RIT1: variants seen among roughly 807,000 people sequenced by gnomAD.
RIT1 encodes the protein GTP-binding protein Rit1.
Under a neutral mutation model 25.6 loss-of-function variants are expected in RIT1, and 6 were observed. The observed-to-expected ratio is 0.23, with a 90% CI of 0.13 to 0.46. The LOEUF (loss-of-function observed/expected upper bound fraction) is 0.46. RIT1 is among the 20% of genes least tolerant of loss of function. RIT1 has a pLI of 0.99. For synonymous variants in RIT1, 81 were observed against 94.1 expected (o/e 0.86, Z 0.80); for missense variants, 219 against 284.4 (o/e 0.77, Z 1.65).
chr1:155,904,274 A>T (rs768732106), intron 5 of RIT1, 37 bp downstream of exon 5: 50 of 1,417,986 alleles, frequency 3.5e-5, no homozygotes, highest in Non-Finnish European at 4.6e-5. Context: ...GACTAATTGT[A>T]TAAGATTATA....
intron 3 of RIT1, among the ~76,000 whole-genome samples, chr1:155,909,887 C>T (rs1394710319): frequency 6.8e-6 from 1 of 146,534 alleles, no homozygotes; most frequent in East Asian, 2.0e-4. Flanking sequence ...GCACCATTGC[C>T]CTCCAGCCTG....
chr1:155,904,846 CG>C (rs1214059306), intron 3 of RIT1, 42 bp from the exon 4 acceptor site: 2 of 1,316,260 alleles, frequency 1.5e-6, no homozygotes, highest in Non-Finnish European at 2.2e-6. Flanking sequence ...TCATAAATGC[CG>C]GAAGAAATGC....
At chr1:155,901,249 C>T (rs1352388837) in intron 5 of RIT1, among the ~76,000 whole-genome samples, 1 of 152,036 alleles carries the variant, frequency 6.6e-6, no homozygotes, top group Non-Finnish European at 1.5e-5. Flanking sequence ...CCTGTAATTC[C>T]AGAACTTTGG....
chr1:155,903,958 T>G (rs1280468934), intron 5 of RIT1, among the ~76,000 whole-genome samples: 1 of 152,190 alleles, frequency 6.6e-6, no homozygotes, highest in Non-Finnish European at 1.5e-5. Flanking sequence ...TGCAGTAAGC[T>G]GTAGCCCCAA....
chr1:155,908,071 G>A (rs573940729), intron 3 of RIT1, among the ~76,000 whole-genome samples: 7 of 149,244 alleles, frequency 4.7e-5, no homozygotes, highest in African/African-American at 1.2e-4. Context: ...TAGCCTGGGC[G>A]ACAGTGAGAC....
At position 155,904,431 on chromosome 1, in the gene RIT1, C is replaced by T. The variant is rs370396152; in HGVS notation, c.309G>A (p.Thr103=). ...GAACTTCATGGAAACTTCGACGATC[C>T]GTGATAGAGTAACAGATGATAAACC... ...GEGFIICYSI[T]DRRSFHEVRE... The change falls in exon 5 of 6, where the codon ACG becomes ACA. Residue 103 remains threonine (T), a synonymous_variant. Coordinates refer to ENST00000368323, the MANE Select transcript of RIT1 (RefSeq NM_006912.6). The T allele has an allele frequency of 2.4e-5, 38 of 1,614,040 alleles. No homozygotes were observed. Among genetic ancestry groups the T allele is most frequent in the African/African-American group, 4.0e-5 (3 of 74,998 alleles).
intron 3 of RIT1, among the ~76,000 whole-genome samples, chr1:155,909,733 C>T (rs1202948162): frequency 6.6e-6 from 1 of 151,766 alleles, no homozygotes; most frequent in Admixed American, 6.6e-5. Context: ...ACCAGCCTGG[C>T]CAACATAGTG....
intron 3 of RIT1, among the ~76,000 whole-genome samples, chr1:155,907,187 TACAC>T (rs1557961224): frequency 1.3e-5 from 1 of 78,228 alleles, no homozygotes; most frequent in Non-Finnish European, 2.6e-5. Context: ...TAGCTACACA[TACAC>T]ATGCGCTTGT....
chr1:155,902,927 C>G (rs900131041), intron 5 of RIT1, among the ~76,000 whole-genome samples: 7 of 151,380 alleles, frequency 4.6e-5, no homozygotes, highest in African/African-American at 1.7e-4. Flanking sequence ...CTTTGGGAGG[C>G]CGAGGTGGGA....
intron 3 of RIT1, among the ~76,000 whole-genome samples, chr1:155,907,748 A>G (rs1284119577): frequency 6.6e-6 from 1 of 152,260 alleles, no homozygotes; most frequent in Non-Finnish European, 1.5e-5. Context: ...TTGCTGTTGA[A>G]TCAGATAATA....
At position 155,900,543 on chromosome 1, in the gene RIT1, A is replaced by T. The variant is rs1673292525; in HGVS notation, c.505T>A (p.Tyr169Asn). Residue 169 changes from tyrosine to asparagine, a missense_variant, in exon 6 of 6, where the codon TAC becomes AAC. By Grantham distance (143) the Tyr-to-Asn change is moderately radical (BLOSUM62 -2). This residue lies in a region of RIT1 where 81 missense variants were observed against 83.8 expected (regional missense o/e 0.97). Coordinates refer to ENST00000368323, the MANE Select transcript of RIT1 (RefSeq NM_006912.6). ...PFFETSAAYRYYIDDVFHALV... is the reference protein window; with the variant it reads ...PFFETSAAYRNYIDDVFHALV... ...GCATGGAAAACATCATCAATATAGT[A>T]GCGGTATGCAGCAGATGTCTCAAAA... 1 of 1,614,050 alleles carries T rather than the reference A, an allele frequency of 6.2e-7. No individual in the cohort carries two copies. The highest frequency in any genetic ancestry group is 8.5e-7 in the Non-Finnish European group (1 of 1,180,032).
At chr1:155,905,990 G>A (rs548024400) in intron 3 of RIT1, among the ~76,000 whole-genome samples, 16 of 152,034 alleles carry the variant, frequency 1.1e-4, no homozygotes, top group Non-Finnish European at 2.1e-4. Flanking sequence ...ACTATTGCCC[G>A]GCTAATTTTT....
chr1:155,906,762 C>CAAAAAAAAAA (rs59899087), intron 3 of RIT1, among the ~76,000 whole-genome samples: 8 of 24,866 alleles, frequency 3.2e-4, no homozygotes, highest in African/African-American at 4.3e-4. Context: ...TTCTCCGTCT[C>CAAAAAAAAAA]AAAAAAAAAA....
In RIT1 at chr1:155,909,246, C is replaced by T. The variant is rs534789053; in HGVS notation, c.163+1204G>A. On this transcript the variant is annotated intron_variant, in intron 3 of 5. Transcript: ENST00000368323. ...AAAAAAAATTAGCCGGGCTTGGTGG[C>T]GGGCGCCTGTAGTCCCAGATACTCG... Among the ~76,000 whole-genome samples the T allele has an allele frequency of 3.3e-5, 5 of 151,818 alleles. No homozygotes were observed. The South Asian group carries it at 6.3e-4, about 19-fold the overall frequency.
At chr1:155,902,697 TG>T (rs1350941719) in intron 5 of RIT1, among the ~76,000 whole-genome samples, 1 of 142,466 alleles carries the variant, frequency 7.0e-6, no homozygotes, top group Admixed American at 7.0e-5. Flanking sequence ...AAAAATTAGC[TG>T]GATGTGGTGG....
chr1:155,905,241 G>A (rs1673413423), intron 3 of RIT1, among the ~76,000 whole-genome samples: 1 of 151,554 alleles, frequency 6.6e-6, no homozygotes, highest in East Asian at 1.9e-4. Flanking sequence ...CTGTCACCCA[G>A]GCTGGAGTGC....
rs1407175896 is a variant in RIT1, at chr1:155,898,164, CTATGACT to C, written c.*2217_*2223del. The C allele has an allele frequency of 6.6e-6, 1 of 152,220 alleles. No individual in the cohort carries two copies. The highest frequency in any genetic ancestry group is 1.5e-5 in the Non-Finnish European group (1 of 68,002). 9.4% of individuals were successfully genotyped at this position (152,220 alleles called of 1,614,324 possible). A position where few individuals can be genotyped will look rare whatever the true frequency, so the allele number is the denominator to read the frequency against. On this transcript the variant is annotated 3_prime_UTR_variant, in exon 6 of 6. Coordinates refer to ENST00000368323, the MANE Select transcript of RIT1 (RefSeq NM_006912.6). ...ACACTTTATGACACTAAGAATAGAG[CTATGACT>C]TATGCATATCATACCTGTCAAGCTA...
At chr1:155,910,175 G>A (rs772017781) in intron 3 of RIT1, 49 of 343,690 alleles carry the variant, frequency 1.4e-4, no homozygotes, top group African/African-American at 3.7e-4. Flanking sequence ...AAAAGGCTTC[G>A]TTAAGTGGCC....
chr1:155,903,498 A>G (rs950397086), intron 5 of RIT1, among the ~76,000 whole-genome samples: 7 of 151,792 alleles, frequency 4.6e-5, no homozygotes, highest in Non-Finnish European at 7.4e-5. Context: ...AGGGAGGGAA[A>G]GAGATATATG....
Sources: gnomAD v4.1 joint callset for allele counts (sites outside exome capture counted in the v4.1 genomes callset) on GRCh38, gnomAD v4.1.1 for gene constraint, gnomAD v4.1.1 regional missense constraint, MANE v1.5 for transcripts, NCBI Gene and HGNC (gene_info 2026-07-23, HGNC 2026-07-21) for gene names.